KDM6A: variants seen among roughly 807,000 people sequenced by gnomAD.
KDM6A encodes the protein lysine demethylase 6A.
In KDM6A, 11 loss-of-function variants were observed where a neutral mutation model predicts 117.6. The observed-to-expected ratio is 0.09, with a 90% CI of 0.06 to 0.15. KDM6A has a LOEUF of 0.15. KDM6A is among the 10% of genes least tolerant of loss of function. KDM6A has a pLI of 1.00. For missense variants in KDM6A, 799 were observed against 1,077.3 expected, an observed-to-expected ratio of 0.74 and a Z score of 3.62; for synonymous variants, 384 against 396.1, an observed-to-expected ratio of 0.97 and a Z score of 0.36.
chrX:44,927,539 A>G (rs1335479746), intron 2 of KDM6A, among the ~76,000 whole-genome samples: 1 of 110,522 alleles, frequency 9.0e-6, no homozygotes, highest in Non-Finnish European at 1.9e-5. Context: ...AGAGCTGCAC[A>G]TGCTCAGGAG....
chrX:44,945,891 A>G (rs2037600166), intron 2 of KDM6A, among the ~76,000 whole-genome samples: 1 of 111,963 alleles, frequency 8.9e-6, no homozygotes, highest in Non-Finnish European at 1.9e-5. Flanking sequence ...CACTTCCTAA[A>G]TGAACAACCT....
intron 2 of KDM6A, among the ~76,000 whole-genome samples, chrX:44,950,299 G>A (rs902072855): frequency 1.8e-5 from 2 of 111,557 alleles, no homozygotes; most frequent in African/African-American, 3.3e-5. Context: ...CTTTACAGGC[G>A]TGAGCCCCTG....
chrX:45,057,691 T>C (rs1211588339), intron 10 of KDM6A, among the ~76,000 whole-genome samples: 1 of 111,342 alleles, frequency 9.0e-6, no homozygotes, highest in Non-Finnish European at 1.9e-5. Context: ...CTGTGCTTTC[T>C]TGTATATACA....
At chrX:45,051,581 A>G (rs1159486794) in intron 8 of KDM6A, 128 bp from the exon 9 acceptor site, 1 of 444,119 alleles carries the variant, frequency 2.3e-6, no homozygotes, top group Non-Finnish European at 4.0e-6. Context: ...CAATAATGGA[A>G]TCAGCACTTT....
intron 2 of KDM6A, among the ~76,000 whole-genome samples, chrX:44,916,043 G>A (rs1331170221): frequency 2.7e-5 from 3 of 111,097 alleles, no homozygotes; most frequent in Non-Finnish European, 5.7e-5. Context: ...TGTTATAATC[G>A]TTCTATTTTA....
At chrX:44,967,536 A>G (rs1312069716) in intron 3 of KDM6A, among the ~76,000 whole-genome samples, 1 of 111,537 alleles carries the variant, frequency 9.0e-6, no homozygotes, top group African/African-American at 3.3e-5. Flanking sequence ...ATTTGCCCTG[A>G]TTCATAGTCA....
At chrX:45,014,062 T>G (rs1247901600) in intron 5 of KDM6A, among the ~76,000 whole-genome samples, 1 of 111,879 alleles carries the variant, frequency 8.9e-6, no homozygotes. Context: ...AGAATCTGCC[T>G]ATGATGTTTC....
intron 7 of KDM6A, among the ~76,000 whole-genome samples, chrX:45,037,310 T>C (rs376565355): frequency 4.5e-5 from 5 of 112,263 alleles, no homozygotes; most frequent in African/African-American, 9.7e-5. Flanking sequence ...ATGTATAGAT[T>C]ATAAAGGTTT....
chrX:45,024,341 A>G (rs1245221839), intron 6 of KDM6A, among the ~76,000 whole-genome samples: 4 of 111,874 alleles, frequency 3.6e-5, no homozygotes, highest in Non-Finnish European at 7.5e-5. Flanking sequence ...TTGCAGGAGT[A>G]AGGTGGTATC....
intron 2 of KDM6A, among the ~76,000 whole-genome samples, chrX:44,934,590 C>T (rs1398983789): frequency 9.0e-6 from 1 of 111,398 alleles, no homozygotes; most frequent in Non-Finnish European, 1.9e-5. Context: ...TTGGTGTTAA[C>T]TTCATGGGAA....
chrX:45,028,447 T>C (rs991121144), intron 6 of KDM6A, among the ~76,000 whole-genome samples: 4 of 112,157 alleles, frequency 3.6e-5, no homozygotes, highest in African/African-American at 1.3e-4. Context: ...CTTGGCTTTT[T>C]ATGGTTAGCA....
chrX:44,953,289 A>T (rs1001601772), intron 2 of KDM6A, among the ~76,000 whole-genome samples: 1 of 111,164 alleles, frequency 9.0e-6, no homozygotes, highest in Non-Finnish European at 1.9e-5. Flanking sequence ...ATTCTACCCA[A>T]GTAGGCAGAG....
intron 2 of KDM6A, among the ~76,000 whole-genome samples, chrX:44,908,630 C>T (rs1006528938): frequency 9.0e-6 from 1 of 111,456 alleles, no homozygotes; most frequent in South Asian, 3.7e-4. Flanking sequence ...TTTTAAGTGA[C>T]CTGTCGTCAG....
chrX:44,921,431 G>A lies in KDM6A; in HGVS notation c.226-39853G>A, dbSNP rs1037590190. On this transcript the variant is annotated intron_variant, in intron 2 of 29. Transcript: ENST00000611820. ...ATGCAATTTTATTAGGTGTAGTTTC[G>A]TGTAACCACAACTACAGTCAAGATA... Among the ~76,000 whole-genome samples the A allele has an allele frequency of 5.4e-5, 6 of 111,114 alleles. No individual in the cohort carries two copies. The South Asian group carries it at 1.9e-3, about 35-fold the overall frequency.
chrX:44,886,489 A>AT (rs1202986234), intron 2 of KDM6A, among the ~76,000 whole-genome samples: 1 of 102,200 alleles, frequency 9.8e-6, no homozygotes, highest in African/African-American at 3.7e-5. Context: ...ACTACTTACT[A>AT]TCTTTTTTTT....
chrX:44,975,728 G>GGC (rs1234015873), intron 4 of KDM6A, among the ~76,000 whole-genome samples: 1 of 111,978 alleles, frequency 8.9e-6, no homozygotes, highest in Non-Finnish European at 1.9e-5. Flanking sequence ...AGAGGCAGGA[G>GGC]GCAGACAAAG....
At chrX:44,963,469 G>GTGTGTGTC (rs2038806812) in intron 3 of KDM6A, among the ~76,000 whole-genome samples, 1 of 32,991 alleles carries the variant, frequency 3.0e-5, no homozygotes, top group African/African-American at 7.4e-5. Flanking sequence ...GTGTGTGTGT[G>GTGTGTGTC]TGTGTGTGTG....
intron 8 of KDM6A, among the ~76,000 whole-genome samples, chrX:45,038,133 G>T (rs2042895426): frequency 2.7e-5 from 3 of 111,103 alleles, no homozygotes; most frequent in Admixed American, 1.9e-4. Context: ...TGAGGCACAA[G>T]AATTGCTTGA....
intron 5 of KDM6A, among the ~76,000 whole-genome samples, chrX:45,017,914 A>T (rs921091580): frequency 2.7e-5 from 3 of 111,807 alleles, no homozygotes; most frequent in African/African-American, 9.7e-5. Context: ...TCTTGACGAT[A>T]ATAGTGGATT....
Sources: allele counts gnomAD v4.1 joint callset (sites outside exome capture counted in the v4.1 genomes callset), GRCh38; gene constraint gnomAD v4.1.1; transcripts MANE v1.5; gene names NCBI Gene and HGNC (gene_info 2026-07-23, HGNC 2026-07-21).